The following ARNT2 variants were observed in gnomAD, a reference collection of about 807,000 sequenced individuals.
ARNT2 encodes the protein ARNT protein 2.
ARNT2 carries 36 observed loss-of-function variants against 91.7 expected under a neutral mutation model. The ratio of observed to expected loss-of-function variants is 0.39; its 90% confidence interval spans 0.30 to 0.52. The LOEUF (loss-of-function observed/expected upper bound fraction) is 0.52. Among genes scored for constraint, ARNT2 ranks in the 20% least tolerant of loss-of-function variants. The pLI is 0.72. For synonymous variants in ARNT2, 365 were observed against 347.1 expected, an observed-to-expected ratio of 1.05 and a Z score of -0.57; for missense variants, 775 against 939.3, an observed-to-expected ratio of 0.83 and a Z score of 2.29.
At chr15:80,421,452 G>A (rs1217202794) in intron 1 of ARNT2, among the ~76,000 whole-genome samples, 2 of 151,498 alleles carry the variant, frequency 1.3e-5, no homozygotes, top group African/African-American at 4.9e-5. Flanking sequence ...AAAGAAAGAA[G>A]GAAGGAAGGA....
intron 6 of ARNT2, among the ~76,000 whole-genome samples, chr15:80,511,045 T>C (rs1190766445): frequency 6.6e-6 from 1 of 152,100 alleles, no homozygotes; most frequent in Non-Finnish European, 1.5e-5. Flanking sequence ...CAAAGAACTA[T>C]AAATCATTCT....
intron 1 of ARNT2, chr15:80,442,938 C>T (rs915624238): frequency 1.0e-5 from 10 of 985,402 alleles, no homozygotes; most frequent in East Asian, 1.1e-4. Context: ...TTTCCTCTGG[C>T]GTGCCCTCCT....
chr15:80,410,647 A>G (rs1895667579), intron 1 of ARNT2, among the ~76,000 whole-genome samples: 1 of 152,186 alleles, frequency 6.6e-6, no homozygotes, highest in Non-Finnish European at 1.5e-5. Context: ...TTCCCAAACA[A>G]TGCTTGCATT....
At chr15:80,503,429 C>A (rs1053180142) in intron 5 of ARNT2, among the ~76,000 whole-genome samples, 2 of 152,296 alleles carry the variant, frequency 1.3e-5, no homozygotes, top group South Asian at 4.2e-4. Flanking sequence ...CGGAGAAGCA[C>A]ACAGAGAAAT....
At chr15:80,508,065 A>G in intron 5 of ARNT2, 91 bp from the exon 6 acceptor site, 5 of 1,225,894 alleles carry the variant, frequency 4.1e-6, no homozygotes, top group Non-Finnish European at 5.9e-6. Flanking sequence ...CTCATTTGGC[A>G]GAGCATTTGG....
chr15:80,427,208 G>A (rs564394187), intron 1 of ARNT2, among the ~76,000 whole-genome samples: 1 of 152,256 alleles, frequency 6.6e-6, no homozygotes, highest in South Asian at 2.1e-4. Context: ...CATCAAGAAG[G>A]GCATCAGCAG....
intron 5 of ARNT2, among the ~76,000 whole-genome samples, chr15:80,497,660 G>A (rs1044510706): frequency 6.6e-6 from 1 of 152,228 alleles, no homozygotes. Flanking sequence ...ATACCATTCT[G>A]TTGAGGGCAG....
intron 1 of ARNT2, among the ~76,000 whole-genome samples, chr15:80,449,616 C>T (rs1555456410): frequency 6.6e-6 from 1 of 152,058 alleles, no homozygotes; most frequent in Non-Finnish European, 1.5e-5. Flanking sequence ...CTAAATTAAG[C>T]TTTTGTTTAT....
chr15:80,477,579 G>T (rs1896825971), intron 5 of ARNT2, among the ~76,000 whole-genome samples: 1 of 152,116 alleles, frequency 6.6e-6, no homozygotes, highest in South Asian at 2.1e-4. Flanking sequence ...CCACCTTCTT[G>T]CATTCTCACA....
intron 12 of ARNT2, among the ~76,000 whole-genome samples, chr15:80,571,912 T>C (rs1318673897): frequency 6.6e-6 from 1 of 152,234 alleles, no homozygotes; most frequent in East Asian, 1.9e-4. Flanking sequence ...GAACTTCAGT[T>C]TCTTAACTTT....
At chr15:80,578,123 T>C (rs1898716541) in intron 15 of ARNT2, among the ~76,000 whole-genome samples, 1 of 152,216 alleles carries the variant, frequency 6.6e-6, no homozygotes, top group Admixed American at 6.5e-5. Context: ...CTCATGTTCA[T>C]GGGGTCCTTG....
intron 12 of ARNT2, among the ~76,000 whole-genome samples, chr15:80,571,624 T>C (rs1898585049): frequency 6.6e-6 from 1 of 151,790 alleles, no homozygotes. Context: ...AGTGGAAGAG[T>C]AAAAGGTATT....
rs115857493 is a variant in ARNT2 at position 80,454,761 on chromosome 15, C to T, written c.147-3168C>T. On this transcript the variant is annotated intron_variant, in intron 2 of 18. Transcript: ENST00000303329. ...CATAAGTGACTTCTGTTTAGAGGCTCGTATTTGATGAAGCATTATTATGAT... is the reference window on the plus strand; with the variant it reads ...CATAAGTGACTTCTGTTTAGAGGCTTGTATTTGATGAAGCATTATTATGAT... Among the ~76,000 whole-genome samples, 428 of 152,224 alleles carry T rather than the reference C, an allele frequency of 2.8e-3. 2 individuals are homozygous for T. Among genetic ancestry groups the T allele is most frequent in the African/African-American group, 9.9e-3 (411 of 41,544 alleles).
At chr15:80,579,135 C>A (rs1203207295) in intron 15 of ARNT2, among the ~76,000 whole-genome samples, 1 of 152,180 alleles carries the variant, frequency 6.6e-6, no homozygotes. Flanking sequence ...TGCCAAGGCG[C>A]CTTTCCTAGG....
At chr15:80,537,208 C>G (rs1897840031) in intron 8 of ARNT2, among the ~76,000 whole-genome samples, 1 of 152,142 alleles carries the variant, frequency 6.6e-6, no homozygotes, top group South Asian at 2.1e-4. Flanking sequence ...TTCTCACTTC[C>G]TGCGTTGTAT....
At chr15:80,581,085 G>T in intron 16 of ARNT2, 154 bp from the exon 17 acceptor site, 1 of 894,632 alleles carries the variant, frequency 1.1e-6, no homozygotes, top group Admixed American at 2.5e-5. Context: ...ACACCGGGCT[G>T]ATCCCAGGCC....
intron 1 of ARNT2, among the ~76,000 whole-genome samples, chr15:80,418,788 C>G (rs537739655): frequency 1.3e-5 from 2 of 152,312 alleles, no homozygotes; most frequent in East Asian, 3.9e-4. Context: ...GGCTGAGTCC[C>G]AAGACAATCA....
chr15:80,495,591 G>A (rs968127497), intron 5 of ARNT2, among the ~76,000 whole-genome samples: 2 of 152,338 alleles, frequency 1.3e-5, no homozygotes, highest in African/African-American at 4.8e-5. Context: ...AGGGCTGGAG[G>A]GTTTGTCAGA....
intron 1 of ARNT2, among the ~76,000 whole-genome samples, chr15:80,431,048 A>G (rs1373192356): frequency 6.6e-6 from 1 of 151,996 alleles, no homozygotes; most frequent in Non-Finnish European, 1.5e-5. Context: ...CCTGGAATCC[A>G]ATGTCACGAT....
Sources: allele counts gnomAD v4.1 joint callset (sites outside exome capture counted in the v4.1 genomes callset), GRCh38; gene constraint gnomAD v4.1.1; transcripts MANE v1.5; gene names NCBI Gene and HGNC (gene_info 2026-07-23, HGNC 2026-07-21).